CENPF: variants seen among roughly 807,000 people sequenced by gnomAD.
The protein encoded by CENPF is centromere protein F.
Under a neutral mutation model 307.3 loss-of-function variants are expected in CENPF, and 214 were observed. The observed-to-expected ratio is 0.70, with a 90% CI of 0.62 to 0.78. The LOEUF (loss-of-function observed/expected upper bound fraction) is 0.78, where lower values mean the gene tolerates loss of function less well. Ranked by LOEUF, CENPF falls within the 30% of genes least tolerant of loss-of-function variation. The probability of loss-of-function intolerance (pLI) is 0.00; values close to 1 mark genes in which losing one functional copy is unlikely to be tolerated. For synonymous variants in CENPF, 1,259 were observed against 1,270.6 expected (o/e 0.99, Z 0.19); for missense variants, 3,401 against 3,483.9 (o/e 0.98, Z 0.60).
Position 214,622,099 on chromosome 1 carries a change from G to C in CENPF, c.886G>C (p.Glu296Gln). 1 of 1,613,802 alleles carries C rather than the reference G, an allele frequency of 6.2e-7. No individual in the cohort carries two copies. Among genetic ancestry groups the C allele is most frequent in the Non-Finnish European group, 8.5e-7 (1 of 1,179,850 alleles). ...QNQELRNKIN[E>Q]LELRLQGHEK... is the part of the protein sequence containing the mutation. ...TCAAGAGCTAAGAAACAAGATTAAT[G>C]AGTTGGAACTACGCCTGCAAGGACA... Residue 296 changes from glutamate to glutamine, a missense_variant, in exon 7 of 20, where the codon GAG (glutamate) becomes CAG (glutamine). Physicochemically the swap from Glu to Gln is conservative, Grantham distance 29. Transcript: ENST00000366955.
intron 6 of CENPF, 91 bp from the exon 7 acceptor site, chr1:214,621,988 A>C (rs1657517988): frequency 9.6e-7 from 1 of 1,043,076 alleles, no homozygotes; most frequent in Non-Finnish European, 1.4e-6. Context: ...TTCGTCAAAG[A>C]TTTCAGAAAA....
intron 5 of CENPF, among the ~76,000 whole-genome samples, chr1:214,620,030 C>G (rs982474527): frequency 2.0e-5 from 3 of 151,326 alleles, no homozygotes; most frequent in African/African-American, 7.3e-5. Context: ...AAACATTAAC[C>G]CTCTTCCTAT....
chr1:214,646,496 G>A lies in CENPF; in HGVS notation c.6926G>A (p.Arg2309His), dbSNP rs145858780. ...AATAGCATTGAAAAGCTGAGAGCCCGCCTAGAAGCTGATGAAAAGAAGCAG... is the reference window on the plus strand; with the variant it reads ...AATAGCATTGAAAAGCTGAGAGCCCACCTAGAAGCTGATGAAAAGAAGCAG... ...LRNSIEKLRA[R>H]LEADEKKQLC... is the part of the protein sequence containing the mutation. Residue 2309 changes from arginine (R) to histidine (H), a missense_variant, in exon 13 of 20, where the codon CGC becomes CAC. Transcript: ENST00000366955. The A allele has an allele frequency of 1.2e-3, 1,973 of 1,614,126 alleles. 4 individuals carry two copies. The highest frequency in any genetic ancestry group is 1.5e-3 in the Non-Finnish European group (1,810 of 1,179,998).
intron 10 of CENPF, among the ~76,000 whole-genome samples, chr1:214,635,177 C>T (rs1657922065): frequency 6.6e-6 from 1 of 152,146 alleles, no homozygotes; most frequent in Non-Finnish European, 1.5e-5. Context: ...CTCTGGCAAG[C>T]AAGAGAGATG....
chr1:214,656,820 CT>C, intron 17 of CENPF, 112 bp from the exon 18 acceptor site: 2 of 707,422 alleles, frequency 2.8e-6, no homozygotes, highest in Non-Finnish European at 4.5e-6. Context: ...TCCCCAACCT[CT>C]TAAAAAAAAA....
chr1:214,644,781 T>A lies in CENPF; in HGVS notation c.5211T>A (p.Asp1737Glu). The change falls in exon 13 of 20, where the codon GAT (aspartate) becomes GAA (glutamate). Residue 1737 changes from aspartate to glutamate, a missense_variant. Physicochemically the swap from Asp to Glu is conservative, Grantham distance 45. Transcript: ENST00000366955. ...CCAATTATGAGCCTCCAGGGGAAGA[T>A]AAAACCCAGGGCTCTTCAGAATGCA... is the stretch of plus-strand genomic sequence containing the variant. ...PDTNYEPPGE[D>E]KTQGSSECIS... 1.9e-6 allele frequency: 3 copies of A among 1,613,918 alleles called. No homozygotes were observed. Among genetic ancestry groups the A allele is most frequent in the South Asian group, 2.2e-5 (2 of 91,078 alleles).
Position 214,632,471 on chromosome 1 carries a change from T to A in CENPF, c.1324-9T>A, listed in dbSNP as rs1431780149. 2 of 1,606,628 alleles carry A rather than the reference T, an allele frequency of 1.2e-6. No homozygotes were observed. The highest frequency in any genetic ancestry group is 1.7e-6 in the Non-Finnish European group (2 of 1,177,972). ...GAAAATGAAACTTGGTCTCTTTTTCTTTTTGTAGCTCACATCAGTAAAGCA... is the reference window on the plus strand; with the variant it reads ...GAAAATGAAACTTGGTCTCTTTTTCATTTTGTAGCTCACATCAGTAAAGCA... On this transcript the variant is annotated splice_polypyrimidine_tract_variant and intron_variant, in intron 9 of 19. Transcript: ENST00000366955.
chr1:214,640,987 G>A lies in CENPF; in HGVS notation c.2649G>A (p.Gln883=). 1.3e-6 allele frequency: 2 copies of A among 1,592,620 alleles called. No individual in the cohort carries two copies. Among genetic ancestry groups the A allele is most frequent in the Non-Finnish European group, 1.7e-6 (2 of 1,174,022 alleles). ...AAAGTTTTGTGGCTGAAACAAGTCAGCGCATTAGTAAGTTACAGGAAGACA... is the reference window on the plus strand; with the variant it reads ...AAAGTTTTGTGGCTGAAACAAGTCAACGCATTAGTAAGTTACAGGAAGACA... ...MHQSFVAETS[Q]RISKLQEDTS... Residue 883 remains glutamine (Q), a synonymous_variant, in exon 12 of 20, where the codon CAG becomes CAA. Coordinates refer to ENST00000366955, the MANE Select transcript of CENPF (RefSeq NM_016343.4).
At chr1:214,613,081 C>T in intron 1 of CENPF, 1 of 328,224 alleles carries the variant, frequency 3.0e-6, no homozygotes, top group South Asian at 3.8e-5. Flanking sequence ...ATTTTGCTAG[C>T]ACTGATATGG....
chr1:214,616,822 CTTT>C (rs1657350331), intron 3 of CENPF, among the ~76,000 whole-genome samples: 3 of 148,840 alleles, frequency 2.0e-5, no homozygotes, highest in African/African-American at 5.1e-5. Flanking sequence ...TTCCTTCCTT[CTTT>C]CCTTCCTTCC....
rs933312457 is a variant in CENPF at position 214,657,347 on chromosome 1, C to G, written c.8900C>G (p.Pro2967Arg). ...AAAGCAGTCATGAGTGGTATTCACC[C>G]TGCAGAAGACACGGAAGGTACTGAG... ...SKKAVMSGIHPAEDTEGTEFE... is the reference protein window; with the variant it reads ...SKKAVMSGIHRAEDTEGTEFE... The change falls in exon 18 of 20, where the codon CCT becomes CGT. Residue 2967 changes from proline to arginine, a missense_variant. By Grantham distance (103) the Pro-to-Arg change is moderately radical (BLOSUM62 -2). Coordinates refer to ENST00000366955, the MANE Select transcript of CENPF (RefSeq NM_016343.4). 1.2e-6 allele frequency: 2 copies of G among 1,613,190 alleles called. No individual in the cohort carries two copies. The highest frequency in any genetic ancestry group is 1.6e-4 in the Middle Eastern group (1 of 6,062).
chr1:214,662,768 T>C (rs895297184), intron 19 of CENPF, among the ~76,000 whole-genome samples: 5 of 152,146 alleles, frequency 3.3e-5, no homozygotes, highest in Non-Finnish European at 7.3e-5. Flanking sequence ...GTGTATCTTT[T>C]TTCACTACTA....
chr1:214,632,541 GAGCT>G lies in CENPF; in HGVS notation c.1386_1389del (p.Ala463AsnfsTer14). On this transcript the variant is annotated frameshift_variant, in exon 10 of 20. Transcript: ENST00000366955. LOFTEE classifies it high-confidence loss of function. ...GAAGAGTTTAAGCAAAAGTTGTGCA[GAGCT>G]GAACAGGCGTTCCAGGCGAGTCAGA... The G allele has an allele frequency of 6.2e-7, 1 of 1,614,114 alleles. No homozygotes were observed. The highest frequency in any genetic ancestry group is 8.5e-7 in the Non-Finnish European group (1 of 1,179,980).
chr1:214,637,142 C>T (rs1657984860), intron 10 of CENPF, among the ~76,000 whole-genome samples: 1 of 152,188 alleles, frequency 6.6e-6, no homozygotes. Context: ...ACTGTGAAAG[C>T]TCAGAAGCTA....
intron 17 of CENPF, among the ~76,000 whole-genome samples, chr1:214,655,662 A>G (rs1658611922): frequency 6.6e-6 from 1 of 152,104 alleles, no homozygotes; most frequent in Non-Finnish European, 1.5e-5. Flanking sequence ...CAGTGGTGCC[A>G]TTATGGCTCA....
At chr1:214,608,535 C>T (rs1217688030) in intron 1 of CENPF, 2 of 1,611,802 alleles carry the variant, frequency 1.2e-6, no homozygotes, top group Non-Finnish European at 1.7e-6. Flanking sequence ...AGCGAACATA[C>T]ATGCAGGAGA....
At chr1:214,619,245 TAGAG>T in intron 5 of CENPF, 25 bp downstream of exon 5, 4 of 1,078,990 alleles carry the variant, frequency 3.7e-6, no homozygotes, top group African/African-American at 1.6e-5. Context: ...GGCCCTATAA[TAGAG>T]TATGCAGTTA....
intron 7 of CENPF, among the ~76,000 whole-genome samples, chr1:214,628,688 T>C (rs1041252912): frequency 2.0e-5 from 3 of 152,232 alleles, no homozygotes; most frequent in African/African-American, 7.2e-5. Context: ...AGCATTTTAA[T>C]ATTTAAAATT....
In CENPF at chr1:214,645,878, T is replaced by C; in HGVS notation, c.6308T>C (p.Phe2103Ser). The change falls in exon 13 of 20, where the codon TTC (phenylalanine) becomes TCC (serine). Residue 2103 changes from phenylalanine to serine, a missense_variant. Phe to Ser is a radical substitution (Grantham distance 155, BLOSUM62 -2). Transcript: ENST00000366955. The stretch of plus-strand genomic sequence containing the variant: ...GCCGCACTGGTGGAGAAAGGTGAGT[T>C]CGCATTGAGGCTGAGCTCAACACAG... Reference protein sequence around the residue: ...LEAALVEKGEFALRLSSTQEE... With the variant: ...LEAALVEKGESALRLSSTQEE... The C allele has an allele frequency of 6.2e-7, 1 of 1,614,086 alleles. No individual in the cohort carries two copies. Among genetic ancestry groups the C allele is most frequent in the Non-Finnish European group, 8.5e-7 (1 of 1,180,020 alleles).
Sources: gnomAD v4.1 joint callset for allele counts (sites outside exome capture counted in the v4.1 genomes callset) on GRCh38, gnomAD v4.1.1 for gene constraint, MANE v1.5 for transcripts, NCBI Gene and HGNC (gene_info 2026-07-23, HGNC 2026-07-21) for gene names.